The following MTOR variants were observed in gnomAD, a reference collection of about 807,000 sequenced individuals.
The protein encoded by MTOR is mechanistic target of rapamycin kinase, also known as serine/threonine-protein kinase mTOR.
In MTOR, 70 loss-of-function variants were observed where a neutral mutation model predicts 319.8. That is an observed-to-expected ratio of 0.22 (90% confidence interval 0.18 to 0.27). The LOEUF (loss-of-function observed/expected upper bound fraction) is 0.27, where lower values mean the gene tolerates loss of function less well. Among genes scored for constraint, MTOR ranks in the 10% least tolerant of loss-of-function variants. The probability of loss-of-function intolerance (pLI) is 1.00; values close to 1 mark genes in which losing one functional copy is unlikely to be tolerated. For synonymous variants in MTOR, 1,183 were observed against 1,211.4 expected (o/e 0.98, Z 0.49); for missense variants, 1,890 against 3,274.4 (o/e 0.58, Z 10.32).
In MTOR at chr1:11,238,032, G is replaced by A. The variant is rs2100899201; in HGVS notation, c.2019C>T (p.Tyr673=). The A allele has an allele frequency of 6.2e-7, 1 of 1,614,216 alleles. No homozygotes were observed. Among genetic ancestry groups the A allele is most frequent in the Non-Finnish European group, 8.5e-7 (1 of 1,180,046 alleles). Residue 673 remains tyrosine (Y), a synonymous_variant, in exon 13 of 58, where the codon TAC becomes TAT. Transcript: ENST00000361445. ...GITDPDPDIR[Y]CVLASLDERF... The stretch of plus-strand genomic sequence containing the variant: ...GCTCGTCCAGGGACGCCAAGACACA[G>A]TAGCGAATGTCAGGGTCTGCAAGAG...
In MTOR at chr1:11,126,603, A is replaced by G. The variant is rs1642852770; in HGVS notation, c.6526+19T>C. On this transcript the variant is annotated intron_variant, in intron 46 of 57. Coordinates refer to ENST00000361445, the MANE Select transcript of MTOR (RefSeq NM_004958.4). Reference sequence around the variant, plus strand: ...GTAGGAGGGAGAAGTGGGTGACAGAAGTGCACAATGGTCCTTACCCATAAG... The same window carrying G: ...GTAGGAGGGAGAAGTGGGTGACAGAGGTGCACAATGGTCCTTACCCATAAG... 2 of 1,611,142 alleles carry G rather than the reference A, an allele frequency of 1.2e-6. No homozygotes were observed. The highest frequency in any genetic ancestry group is 4.5e-5 in the East Asian group (2 of 44,802).
intron 28 of MTOR, among the ~76,000 whole-genome samples, chr1:11,186,589 T>TG: frequency 6.6e-6 from 1 of 152,212 alleles, no homozygotes; most frequent in East Asian, 1.9e-4. Context: ...TTTTGTCAGT[T>TG]AATTCCCATT....
chr1:11,226,743 CTG>C (rs1386176686), intron 19 of MTOR, among the ~76,000 whole-genome samples: 1 of 152,070 alleles, frequency 6.6e-6, no homozygotes, highest in Non-Finnish European at 1.5e-5. Flanking sequence ...ATTGCAACCT[CTG>C]TGTCACCAGC....
intron 26 of MTOR, among the ~76,000 whole-genome samples, chr1:11,200,222 A>C (rs1194262052): frequency 6.6e-6 from 1 of 152,218 alleles, no homozygotes; most frequent in African/African-American, 2.4e-5. Context: ...ACAATGTCTA[A>C]ATTCTTAAGG....
At chr1:11,138,605 C>T (rs1446608540) in intron 36 of MTOR, among the ~76,000 whole-genome samples, 1 of 152,214 alleles carries the variant, frequency 6.6e-6, no homozygotes, top group Non-Finnish European at 1.5e-5. Flanking sequence ...ATCTCAGGTA[C>T]TTCACTGTGG....
At chr1:11,249,275 T>C (rs781725779) in intron 6 of MTOR, among the ~76,000 whole-genome samples, 5 of 152,132 alleles carry the variant, frequency 3.3e-5, no homozygotes, top group Non-Finnish European at 7.4e-5. Flanking sequence ...AGACTCCAAA[T>C]TGAGAAGGAG....
rs1390608454 is a variant in MTOR at position 11,121,913 on chromosome 1, A to G, written c.6810+66T>C. 15 of 1,581,352 alleles carry G rather than the reference A, an allele frequency of 9.5e-6. No homozygotes were observed. The highest frequency in any genetic ancestry group is 1.3e-5 in the Non-Finnish European group (15 of 1,159,954). ...TGACAGACATACAGAGAGGAATGAG[A>G]AAAGCAGCGCTACGGAGATTCCCTG... On this transcript the variant is annotated intron_variant, in intron 48 of 57. Coordinates refer to ENST00000361445, the MANE Select transcript of MTOR (RefSeq NM_004958.4). This position sits in a 1 kb window ranked among gnomAD's most constrained non-coding sequence, Gnocchi z 4.9.
At chr1:11,217,877 A>G (rs1234057925) in intron 19 of MTOR, among the ~76,000 whole-genome samples, 1 of 152,200 alleles carries the variant, frequency 6.6e-6, no homozygotes, top group Non-Finnish European at 1.5e-5. Context: ...TCAAACAGTG[A>G]GTAATGGATT....
intron 29 of MTOR, among the ~76,000 whole-genome samples, chr1:11,164,032 C>T (rs558847163): frequency 3.0e-4 from 45 of 152,062 alleles, no homozygotes; most frequent in African/African-American, 1.0e-3. Flanking sequence ...ATTGATAGAC[C>T]ACTAGCAAGA....
chr1:11,195,649 C>T (rs1329154775), intron 28 of MTOR: 1 of 153,514 alleles, frequency 6.5e-6, no homozygotes, highest in Non-Finnish European at 1.5e-5. Flanking sequence ...AGCACTGCCC[C>T]TGCTCGCCTT....
chr1:11,121,595 A>C lies in MTOR; in HGVS notation c.6811-227T>G, dbSNP rs564668264. 8.4e-4 allele frequency among the ~76,000 whole-genome samples: 128 copies of C among 152,342 alleles called. No homozygotes were observed. The highest frequency in any genetic ancestry group is 3.0e-3 in the African/African-American group (124 of 41,586). Reference sequence around the variant, plus strand: ...AGGGAAAAACACGAGACTTCACCTCAGTTATAGGCCTTCTGTGCAGATGAG... The same window carrying C: ...AGGGAAAAACACGAGACTTCACCTCCGTTATAGGCCTTCTGTGCAGATGAG... On this transcript the variant is annotated intron_variant, in intron 48 of 57. Coordinates refer to ENST00000361445, the MANE Select transcript of MTOR (RefSeq NM_004958.4). This position sits in a 1 kb window ranked among gnomAD's most constrained non-coding sequence, Gnocchi z 4.9.
chr1:11,191,171 G>C (rs910897300), intron 28 of MTOR, among the ~76,000 whole-genome samples: 3 of 152,204 alleles, frequency 2.0e-5, no homozygotes, highest in South Asian at 2.1e-4. Flanking sequence ...AGGTTCTTGG[G>C]GTCAAGTGCA....
chr1:11,146,631 C>T, intron 32 of MTOR, 45 bp downstream of exon 32: 2 of 1,503,758 alleles, frequency 1.3e-6, no homozygotes, highest in Non-Finnish European at 1.9e-6. Flanking sequence ...AGAAGCACTA[C>T]AATCTTTTCC....
chr1:11,178,799 G>A (rs1226705214), intron 28 of MTOR, among the ~76,000 whole-genome samples: 5 of 152,140 alleles, frequency 3.3e-5, no homozygotes. Context: ...TGATATTTTG[G>A]GTAAAGTCCT....
At position 11,199,197 on chromosome 1, in the gene MTOR, C is replaced by A; in HGVS notation, c.4253+61G>T. The A allele has an allele frequency of 3.1e-6, 5 of 1,606,972 alleles. No individual in the cohort carries two copies. The highest frequency in any genetic ancestry group is 4.3e-6 in the Non-Finnish European group (5 of 1,173,998). On this transcript the variant is annotated intron_variant, in intron 28 of 57. Coordinates refer to ENST00000361445, the MANE Select transcript of MTOR (RefSeq NM_004958.4). The surrounding 1 kb of genome is among the most constrained non-coding windows in gnomAD (Gnocchi z 4.5). ...GTGACTCCAGTGAAGTGGCACCAGGCAGTGGGAGAAGAGAGGTCATTTTGC... is the reference window on the plus strand; with the variant it reads ...GTGACTCCAGTGAAGTGGCACCAGGAAGTGGGAGAAGAGAGGTCATTTTGC...
intron 6 of MTOR, among the ~76,000 whole-genome samples, chr1:11,248,748 G>T (rs1229596472): frequency 6.6e-6 from 1 of 152,142 alleles, no homozygotes; most frequent in Non-Finnish European, 1.5e-5. Context: ...GCAGGCAGAG[G>T]TTGCAGTGAG....
intron 28 of MTOR, among the ~76,000 whole-genome samples, chr1:11,193,951 C>T (rs1369415383): frequency 8.4e-4 from 4 of 4,734 alleles, no homozygotes; most frequent in South Asian, 9.1e-3. Context: ...TTTCTGCAAC[C>T]CCCCCAACCC....
chr1:11,117,509 A>G (rs1642233359), intron 49 of MTOR, among the ~76,000 whole-genome samples: 1 of 152,220 alleles, frequency 6.6e-6, no homozygotes, highest in Non-Finnish European at 1.5e-5. Flanking sequence ...AGAATGTATA[A>G]CATTATAAAG....
Position 11,255,402 on chromosome 1 carries a change from A to G in MTOR, c.705+590T>C, listed in dbSNP as rs550834887. 2.9e-3 allele frequency among the ~76,000 whole-genome samples: 441 copies of G among 150,282 alleles called. 3 individuals carry two copies. The highest frequency in any genetic ancestry group is 1.0e-2 in the African/African-American group (410 of 41,118). On this transcript the variant is annotated intron_variant, in intron 5 of 57. Coordinates refer to ENST00000361445, the MANE Select transcript of MTOR (RefSeq NM_004958.4). The stretch of plus-strand genomic sequence containing the variant: ...ATCTCCAAAAAAAAAAAAAAAAAAA[A>G]AAAAAAAGAAAGAGGTACCAAGTCA...
Sources: allele counts gnomAD v4.1 joint callset (sites outside exome capture counted in the v4.1 genomes callset), GRCh38; gene constraint gnomAD v4.1.1; non-coding constraint Gnocchi (gnomAD v3.1); transcripts MANE v1.5; gene names NCBI Gene and HGNC (gene_info 2026-07-23, HGNC 2026-07-21).